ATP9B: variants seen among roughly 807,000 people sequenced by gnomAD.
ATP9B encodes the protein probable phospholipid-transporting ATPase IIB.
ATP9B carries 110 observed loss-of-function variants against 146.1 expected under a neutral mutation model. The observed-to-expected ratio is 0.75, with a 90% confidence interval of 0.65 to 0.88. The LOEUF is 0.88. ATP9B is among the 40% of genes least tolerant of loss of function. The pLI, the probability that ATP9B is intolerant of heterozygous loss-of-function variation, is 0.00. For missense variants in ATP9B, 1,499 were observed against 1,496.4 expected (o/e 1.00, Z -0.03); for synonymous variants, 604 against 569.7 (o/e 1.06, Z -0.86).
intron 1 of ATP9B, among the ~76,000 whole-genome samples, chr18:79,093,820 T>C (rs1034477062): frequency 1.3e-5 from 2 of 152,264 alleles, no homozygotes; most frequent in African/African-American, 2.4e-5. Context: ...TGTTTTTCTA[T>C]TCACTTCAAG....
intron 11 of ATP9B, among the ~76,000 whole-genome samples, chr18:79,232,534 A>C (rs988963327): frequency 6.6e-6 from 1 of 152,218 alleles, no homozygotes; most frequent in African/African-American, 2.4e-5. Context: ...AGGCTTGTTT[A>C]CTTCAGCTCC....
chr18:79,071,958 TTTG>T (rs751143674), intron 1 of ATP9B, among the ~76,000 whole-genome samples: 8 of 151,510 alleles, frequency 5.3e-5, no homozygotes, highest in Admixed American at 6.6e-5. Flanking sequence ...TCAACTACTC[TTTG>T]TTGTTGTTGA....
Position 79,179,855 on chromosome 18 carries a change from G to A in ATP9B, c.873+2948G>A, listed in dbSNP as rs537835414. Among the ~76,000 whole-genome samples the A allele has an allele frequency of 5.3e-5, 8 of 152,244 alleles. No individual in the cohort carries two copies. The South Asian group carries it at 1.2e-3, about 24-fold the overall frequency. ...GTTTTATAGTTGTTTTCTACCATTC[G>A]TTCTCTGAATTACTGAAGAAGACTT... On this transcript the variant is annotated intron_variant, in intron 8 of 29. Coordinates refer to ENST00000426216, the MANE Select transcript of ATP9B (RefSeq NM_198531.5).
In ATP9B at chr18:79,326,475, G is replaced by T. The variant is rs936221972; in HGVS notation, c.1774-2666G>T. Among the ~76,000 whole-genome samples, 812 of 147,552 alleles carry T rather than the reference G, an allele frequency of 5.5e-3. 1 individual carries two copies. The highest frequency in any genetic ancestry group is 0.019 in the African/African-American group (755 of 39,952). ...CCTGCACACTCCTTCCCCTCACATG[G>T]TGTTAGGGTGTCATCTCTATACCCT... is the stretch of plus-strand genomic sequence containing the variant. On this transcript the variant is annotated intron_variant, in intron 15 of 29. Transcript: ENST00000426216.
chr18:79,306,033 G>A (rs1018724362), intron 14 of ATP9B, among the ~76,000 whole-genome samples: 5 of 152,238 alleles, frequency 3.3e-5, no homozygotes, highest in African/African-American at 7.2e-5. Flanking sequence ...TCGCAGCAGC[G>A]TGAGCAGGCG....
At chr18:79,181,815 T>C (rs1395210762) in intron 8 of ATP9B, among the ~76,000 whole-genome samples, 1 of 152,226 alleles carries the variant, frequency 6.6e-6, no homozygotes, top group East Asian at 1.9e-4. Context: ...TATGGCTTCA[T>C]TGGACTATTT....
intron 7 of ATP9B, among the ~76,000 whole-genome samples, chr18:79,156,862 C>G (rs1319578901): frequency 6.6e-6 from 1 of 152,116 alleles, no homozygotes; most frequent in Non-Finnish European, 1.5e-5. Flanking sequence ...ATGTGAATGA[C>G]TCATCTCATA....
chr18:79,117,725 A>G (rs528082328), intron 4 of ATP9B: 14 of 152,366 alleles, frequency 9.2e-5, no homozygotes, highest in African/African-American at 3.4e-4. Flanking sequence ...ACTGAAGTGT[A>G]TACAACAGAA....
At chr18:79,182,734 T>C (rs932955323) in intron 8 of ATP9B, among the ~76,000 whole-genome samples, 1 of 152,238 alleles carries the variant, frequency 6.6e-6, no homozygotes, top group African/African-American at 2.4e-5. Flanking sequence ...TGAAACAAAC[T>C]GCATGACATT....
At position 79,348,179 on chromosome 18, in the gene ATP9B, G is replaced by A; in HGVS notation, c.2886G>A (p.Gln962=). The A allele has an allele frequency of 6.2e-7, 1 of 1,609,980 alleles. No homozygotes were observed. The highest frequency in any genetic ancestry group is 8.5e-7 in the Non-Finnish European group (1 of 1,178,774). ...VFYFASVPLY[Q]GFLMVGYATI... ...ACTTCGCATCCGTCCCTTTGTATCA[G>A]GGCTTCCTCATGGTGGGGTAAGTTA... The change falls in exon 25 of 30, where the codon CAG becomes CAA. Residue 962 remains glutamine, a synonymous_variant. Transcript: ENST00000426216.
intron 7 of ATP9B, among the ~76,000 whole-genome samples, chr18:79,164,941 A>C (rs934441973): frequency 6.6e-6 from 1 of 152,178 alleles, no homozygotes; most frequent in African/African-American, 2.4e-5. Context: ...GTGGATTTGC[A>C]TGGACATTTT....
chr18:79,190,780 A>G (rs1033494549), intron 8 of ATP9B, among the ~76,000 whole-genome samples: 1 of 152,128 alleles, frequency 6.6e-6, no homozygotes, highest in Non-Finnish European at 1.5e-5. Context: ...TCCTGGCCTC[A>G]TGTGATCCAC....
At chr18:79,236,794 CCACT>C (rs1287108726) in intron 11 of ATP9B, among the ~76,000 whole-genome samples, 1 of 149,742 alleles carries the variant, frequency 6.7e-6, no homozygotes, top group Non-Finnish European at 1.5e-5. Context: ...TGCCCCTTCC[CCACT>C]GTGTACACGG....
At chr18:79,318,749 T>G (rs1484184278) in intron 15 of ATP9B, among the ~76,000 whole-genome samples, 1 of 152,238 alleles carries the variant, frequency 6.6e-6, no homozygotes, top group African/African-American at 2.4e-5. Flanking sequence ...GTGCTTTGTC[T>G]TTTTTTGTGG....
chr18:79,136,718 C>T (rs946111803), intron 5 of ATP9B, among the ~76,000 whole-genome samples: 2 of 152,090 alleles, frequency 1.3e-5, no homozygotes, highest in African/African-American at 4.8e-5. Flanking sequence ...AAGGTCTATT[C>T]TATTGTGTGT....
At chr18:79,184,370 GTTTT>G (rs1013907005) in intron 8 of ATP9B, among the ~76,000 whole-genome samples, 2 of 151,946 alleles carry the variant, frequency 1.3e-5, no homozygotes, top group African/African-American at 2.4e-5. Flanking sequence ...TTGTTTGTTT[GTTTT>G]TTTAATTTCA....
intron 11 of ATP9B, among the ~76,000 whole-genome samples, chr18:79,228,552 G>A (rs2095758024): frequency 6.6e-6 from 1 of 152,124 alleles, no homozygotes; most frequent in Admixed American, 6.5e-5. Context: ...TCTTTAAAGA[G>A]ATTATAATCA....
chr18:79,279,020 G>A (rs899872634), intron 13 of ATP9B, among the ~76,000 whole-genome samples: 1 of 152,184 alleles, frequency 6.6e-6, no homozygotes, highest in African/African-American at 2.4e-5. Context: ...TGGGAGAAAC[G>A]TCCTGCAGAA....
chr18:79,121,633 C>T (rs1290407128), intron 4 of ATP9B, among the ~76,000 whole-genome samples: 2 of 152,188 alleles, frequency 1.3e-5, no homozygotes, highest in Non-Finnish European at 2.9e-5. Context: ...TGTTCCTAGG[C>T]TGGCCATTGG....
Sources: allele counts gnomAD v4.1 joint callset (sites outside exome capture counted in the v4.1 genomes callset), GRCh38; gene constraint gnomAD v4.1.1; transcripts MANE v1.5; gene names NCBI Gene and HGNC (gene_info 2026-07-23, HGNC 2026-07-21).